Variants in FANCB observed in about 807,000 individuals in gnomAD.
FANCB encodes the protein Fanconi anemia group B protein.
FANCB carries 5 observed loss-of-function variants against 38.9 expected under a neutral mutation model. That is an observed-to-expected ratio of 0.13 (90% CI 0.07 to 0.27). The LOEUF (loss-of-function observed/expected upper bound fraction) is 0.27. Among genes scored for constraint, FANCB ranks in the 10% least tolerant of loss-of-function variants. The pLI is 1.00. For missense variants in FANCB, 573 were observed against 602.7 expected (o/e 0.95, Z 0.52); for synonymous variants, 236 against 215.4 (o/e 1.10, Z -0.84).
At chrX:14,826,048 G>T in the FANCB span, among the ~76,000 whole-genome samples, 2 of 112,059 alleles carry the variant, frequency 1.8e-5, no homozygotes, top group African/African-American at 3.2e-5. Flanking sequence ...CAAATGTCTT[G>T]AAAGGGAAAC....
chrX:14,825,037 A>G, the FANCB span, among the ~76,000 whole-genome samples: 1 of 112,236 alleles, frequency 8.9e-6, no homozygotes, highest in Non-Finnish European at 1.9e-5. Context: ...TTTTAAAGAT[A>G]TTAATACCAC....
the FANCB span, among the ~76,000 whole-genome samples, chrX:14,825,651 T>C: frequency 8.9e-6 from 1 of 112,390 alleles, no homozygotes; most frequent in Non-Finnish European, 1.9e-5. Flanking sequence ...ATATCTGTCA[T>C]ATCTGTGGAT....
the FANCB span, among the ~76,000 whole-genome samples, chrX:14,800,829 A>G: frequency 0.027 from 3,053 of 111,850 alleles, 100 homozygotes; most frequent in African/African-American, 0.094. Flanking sequence ...CTTGATCTCC[A>G]ATTTCCTCAT....
the FANCB span, among the ~76,000 whole-genome samples, chrX:14,771,891 GACTC>G: frequency 1.8e-5 from 2 of 111,721 alleles, no homozygotes; most frequent in East Asian, 2.8e-4. Context: ...GTCTGCTCTA[GACTC>G]CAGTTGCCTC....
the FANCB span, among the ~76,000 whole-genome samples, chrX:14,796,485 C>T: frequency 1.1e-5 from 1 of 93,096 alleles, no homozygotes; most frequent in Non-Finnish European, 2.1e-5. Flanking sequence ...ATATATATAA[C>T]ATATATTATA....
the FANCB span, among the ~76,000 whole-genome samples, chrX:14,749,772 A>C: frequency 8.9e-6 from 1 of 111,768 alleles, no homozygotes; most frequent in Non-Finnish European, 1.9e-5. Context: ...ATTCTAGTCT[A>C]GTGTGACTTA....
At chrX:14,853,784 A>G (rs2092412038) in intron 5 of FANCB, among the ~76,000 whole-genome samples, 2 of 112,059 alleles carry the variant, frequency 1.8e-5, no homozygotes, top group Admixed American at 9.5e-5. Flanking sequence ...GGCATACAGC[A>G]ATCCATTCCT....
chrX:14,693,935 T>C, the FANCB span, among the ~76,000 whole-genome samples: 1 of 111,866 alleles, frequency 8.9e-6, no homozygotes, highest in African/African-American at 3.2e-5. Flanking sequence ...CCATGCTTAG[T>C]GAAAAATGTA....
At chrX:14,775,160 GTTTTTTTTTTT>G in the FANCB span, among the ~76,000 whole-genome samples, 3 of 35,000 alleles carry the variant, frequency 8.6e-5, no homozygotes, top group Non-Finnish European at 1.8e-4. Flanking sequence ...TTTCTCTAAT[GTTTTTTTTTTT>G]TTTTTTTTTT....
the FANCB span, among the ~76,000 whole-genome samples, chrX:14,785,626 C>A: frequency 8.9e-6 from 1 of 112,260 alleles, no homozygotes; most frequent in Non-Finnish European, 1.9e-5. Flanking sequence ...GTAGCACAAT[C>A]CTCCTCTGGT....
the FANCB span, among the ~76,000 whole-genome samples, chrX:14,799,110 T>C: frequency 3.1e-3 from 342 of 111,825 alleles, 1 homozygote; most frequent in African/African-American, 0.01. Flanking sequence ...ACCACAGTTC[T>C]GAGAAATCTT....
At chrX:14,860,654 A>G (rs111452547) in intron 3 of FANCB, among the ~76,000 whole-genome samples, 3,976 of 112,296 alleles carry the variant, frequency 0.035, 140 homozygotes, top group African/African-American at 0.11. Context: ...CAATGTAATC[A>G]TTAAAAAATT....
At chrX:14,853,203 T>C in intron 5 of FANCB, 36 bp from the exon 6 acceptor site, 1 of 1,154,652 alleles carries the variant, frequency 8.7e-7, no homozygotes, top group Non-Finnish European at 1.2e-6. Flanking sequence ...GCAAGAAACA[T>C]GATTTCAAAT....
the FANCB span, among the ~76,000 whole-genome samples, chrX:14,699,756 C>G: frequency 8.9e-6 from 1 of 111,776 alleles, no homozygotes; most frequent in Non-Finnish European, 1.9e-5. Flanking sequence ...CTGATAACCA[C>G]TATTATACTG....
the FANCB span, among the ~76,000 whole-genome samples, chrX:14,745,142 T>A: frequency 9.0e-6 from 1 of 111,678 alleles, no homozygotes; most frequent in Non-Finnish European, 1.9e-5. Flanking sequence ...ATGAATTTTT[T>A]AAAAATTCCA....
chrX:14,871,401 G>T (rs964427330), intron 1 of FANCB, among the ~76,000 whole-genome samples: 29 of 111,451 alleles, frequency 2.6e-4, no homozygotes, highest in African/African-American at 9.5e-4. Context: ...AAGGTAATTT[G>T]GCAGTCAACT....
the FANCB span, among the ~76,000 whole-genome samples, chrX:14,711,230 A>G: frequency 4.6e-4 from 52 of 112,115 alleles, no homozygotes; most frequent in African/African-American, 1.7e-3. Context: ...AACATTCACC[A>G]CCCTGGGAGG....
chrX:14,780,918 C>T, the FANCB span, among the ~76,000 whole-genome samples: 12,994 of 108,966 alleles, frequency 0.12, 768 homozygotes, highest in Non-Finnish European at 0.17. Flanking sequence ...AATTGGTGTC[C>T]CAATTTTTTC....
At chrX:14,868,402 T>C (rs1347596109) in intron 2 of FANCB, among the ~76,000 whole-genome samples, 3 of 112,298 alleles carry the variant, frequency 2.7e-5, no homozygotes, top group Non-Finnish European at 5.6e-5. Context: ...CAAAATTAAA[T>C]GAAATCCTGT....
Sources: allele counts gnomAD v4.1 joint callset (sites outside exome capture counted in the v4.1 genomes callset), GRCh38; gene constraint gnomAD v4.1.1; transcripts MANE v1.5; gene names NCBI Gene and HGNC (gene_info 2026-07-23, HGNC 2026-07-21).